NEO1: variants seen among roughly 807,000 people sequenced by gnomAD.
NEO1 encodes the protein neogenin.
Under a neutral mutation model 159.7 loss-of-function variants are expected in NEO1, and 63 were observed. That is an observed-to-expected ratio of 0.39 (90% CI 0.32 to 0.49). NEO1 has a LOEUF of 0.49. Among genes scored for constraint, NEO1 ranks in the 20% least tolerant of loss-of-function variants. The pLI is 0.85. For missense variants in NEO1, 1,615 were observed against 1,831.0 expected (o/e 0.88, Z 2.15); for synonymous variants, 633 against 662.0 (o/e 0.96, Z 0.67).
intron 5 of NEO1, among the ~76,000 whole-genome samples, chr15:73,168,709 A>G (rs1394530054): frequency 1.3e-5 from 2 of 152,144 alleles, no homozygotes; most frequent in Admixed American, 6.6e-5. Context: ...GGAGAAGCCT[A>G]TTCACCTTCA....
intron 20 of NEO1, among the ~76,000 whole-genome samples, chr15:73,274,454 A>C (rs901676377): frequency 1.3e-5 from 2 of 152,200 alleles, no homozygotes; most frequent in Non-Finnish European, 2.9e-5. Flanking sequence ...TAAGAAAATG[A>C]AGATAAAGCA....
At chr15:73,056,962 T>C (rs551830646) in intron 1 of NEO1, among the ~76,000 whole-genome samples, 1 of 152,282 alleles carries the variant, frequency 6.6e-6, no homozygotes, top group African/African-American at 2.4e-5. Context: ...TGACTGATTT[T>C]CATAAACTGT....
chr15:73,254,892 A>G, intron 13 of NEO1, 63 bp downstream of exon 13: 1 of 1,543,048 alleles, frequency 6.5e-7, no homozygotes, highest in Non-Finnish European at 8.8e-7. Context: ...GAATTATGCT[A>G]GTCTAATGAC....
chr15:73,097,836 A>G (rs2151487485), intron 1 of NEO1, among the ~76,000 whole-genome samples: 1 of 136,906 alleles, frequency 7.3e-6, no homozygotes, highest in East Asian at 2.1e-4. Context: ...CGTAGAGACC[A>G]AAACCTGAGT....
rs1040067097 is a variant in NEO1 at position 73,205,307 on chromosome 15, C to T, written c.1291+26880C>T. Among the ~76,000 whole-genome samples the T allele has an allele frequency of 8.5e-5, 13 of 152,254 alleles. 1 individual carries two copies. Among genetic ancestry groups the T allele is most frequent in the South Asian group, 8.3e-4 (4 of 4,826 alleles). On this transcript the variant is annotated intron_variant, in intron 7 of 28. Transcript: ENST00000261908. ...CTGTCCTCTCTTGACTATGGGTTGT[C>T]GTATTCTCTTCTAACCCCCACTTAG...
intron 14 of NEO1, chr15:73,259,152 G>T: frequency 7.4e-6 from 2 of 268,708 alleles, no homozygotes; most frequent in Non-Finnish European, 1.4e-5. Flanking sequence ...TTAAGTAGAT[G>T]GATGATCTAA....
intron 28 of NEO1, 122 bp downstream of exon 28, chr15:73,301,579 T>TA: frequency 7.7e-7 from 1 of 1,291,878 alleles, no homozygotes; most frequent in East Asian, 2.5e-5. Flanking sequence ...ATGAAGCAGA[T>TA]ACACTCATTC....
intron 7 of NEO1, among the ~76,000 whole-genome samples, chr15:73,207,651 A>T (rs1408835800): frequency 6.6e-6 from 1 of 152,218 alleles, no homozygotes; most frequent in Admixed American, 6.5e-5. Flanking sequence ...TTTCGTCCCT[A>T]CTGCACAATG....
At chr15:73,148,254 C>G (rs1270521442) in intron 5 of NEO1, among the ~76,000 whole-genome samples, 9 of 152,102 alleles carry the variant, frequency 5.9e-5, no homozygotes, top group Admixed American at 4.6e-4. Context: ...ATTATATTGT[C>G]AGTAAGCTTC....
chr15:73,126,902 A>G (rs1288277621), intron 4 of NEO1, among the ~76,000 whole-genome samples: 2 of 152,052 alleles, frequency 1.3e-5, no homozygotes, highest in African/African-American at 4.8e-5. Context: ...TCTCATATGC[A>G]TTTTTTTGAT....
rs1450566662 is a variant in NEO1 at position 73,305,198 on chromosome 15, C to G, written c.*2502C>G. 11 of 151,930 alleles carry G rather than the reference C, an allele frequency of 7.2e-5. No individual in the cohort carries two copies. The highest frequency in any genetic ancestry group is 6.6e-4 in the Admixed American group (10 of 15,244). The allele number at this position is 151,930 out of a possible 1,614,324, so 9.4% of individuals were successfully genotyped here. A position where few individuals can be genotyped will look rare whatever the true frequency, so the allele number is the denominator to read the frequency against. ...GGAAATCCAATACACTTTTTTAATC[C>G]AATCAAACTCTGGTCTGGTCAAAGA... On this transcript the variant is annotated 3_prime_UTR_variant, in exon 29 of 29. Transcript: ENST00000261908.
intron 7 of NEO1, among the ~76,000 whole-genome samples, chr15:73,229,082 T>C (rs923067003): frequency 1.3e-5 from 2 of 152,180 alleles, no homozygotes; most frequent in Non-Finnish European, 2.9e-5. Context: ...GCATTTCTTC[T>C]AGCATTTTGC....
chr15:73,152,378 A>T (rs1398296059), intron 5 of NEO1, among the ~76,000 whole-genome samples: 1 of 152,212 alleles, frequency 6.6e-6, no homozygotes, highest in Admixed American at 6.5e-5. Flanking sequence ...CTTTCATAAA[A>T]ACTCGGGAGG....
intron 26 of NEO1, among the ~76,000 whole-genome samples, chr15:73,296,293 C>G (rs2042364805): frequency 6.6e-6 from 1 of 152,148 alleles, no homozygotes; most frequent in Admixed American, 6.5e-5. Context: ...GCTACCCTTC[C>G]TAGCCAGCTC....
In NEO1 at chr15:73,247,225, G is replaced by A. The variant is rs144544965; in HGVS notation, c.1607-1835G>A. 2.6e-3 allele frequency among the ~76,000 whole-genome samples: 399 copies of A among 152,270 alleles called. 2 individuals are homozygous for A. Among genetic ancestry groups the A allele is most frequent in the African/African-American group, 9.2e-3 (382 of 41,540 alleles). On this transcript the variant is annotated intron_variant, in intron 9 of 28. Coordinates refer to ENST00000261908, the MANE Select transcript of NEO1 (RefSeq NM_002499.4). ...TCATCTGGAGGTGTTCAGCTTGTGT[G>A]GGGGAGGCATAAATGTTGGAACCAG...
At chr15:73,128,884 A>G (rs1337894041) in intron 4 of NEO1, among the ~76,000 whole-genome samples, 2 of 152,220 alleles carry the variant, frequency 1.3e-5, no homozygotes, top group Admixed American at 1.3e-4. Context: ...TAACTAAATC[A>G]AATGTGAATA....
Position 73,173,387 on chromosome 15 carries a change from A to G in NEO1, c.1016-3016A>G, listed in dbSNP as rs796515247. ...TTCTGGCCCAGGAATAGGCAGATGG[A>G]TGAAACCAATTAGTGTCCTGAAATA... On this transcript the variant is annotated intron_variant, in intron 5 of 28. Transcript: ENST00000261908. Among the ~76,000 whole-genome samples, 10 of 152,314 alleles carry G rather than the reference A, an allele frequency of 6.6e-5. No individual in the cohort carries two copies. The East Asian group carries it at 1.7e-3, about 27-fold the overall frequency.
At chr15:73,166,213 G>C (rs1231047771) in intron 5 of NEO1, among the ~76,000 whole-genome samples, 1 of 152,098 alleles carries the variant, frequency 6.6e-6, no homozygotes, top group Non-Finnish European at 1.5e-5. Context: ...AGCAAGTGTT[G>C]GTAAGGATAT....
chr15:73,303,000 T>C lies in NEO1; in HGVS notation c.*304T>C. ...GCGAGAAGTGCAACCTGCATTTCAC[T>C]TTGTGGTCAGGCCGTGTCTTTGTGC... is the stretch of plus-strand genomic sequence containing the variant. On this transcript the variant is annotated 3_prime_UTR_variant, in exon 29 of 29. Coordinates refer to ENST00000261908, the MANE Select transcript of NEO1 (RefSeq NM_002499.4). The C allele has an allele frequency of 3.1e-6, 1 of 319,332 alleles. No individual in the cohort carries two copies. The highest frequency in any genetic ancestry group is 6.0e-6 in the Non-Finnish European group (1 of 166,000). 19.8% of individuals were successfully genotyped at this position (319,332 alleles called of 1,614,324 possible). A position where few individuals can be genotyped will look rare whatever the true frequency, so the allele number is the denominator to read the frequency against.
Sources: allele counts gnomAD v4.1 joint callset (sites outside exome capture counted in the v4.1 genomes callset), GRCh38; gene constraint gnomAD v4.1.1; transcripts MANE v1.5; gene names NCBI Gene and HGNC (gene_info 2026-07-23, HGNC 2026-07-21).